The following GRIK2 variants were observed in gnomAD, a reference collection of about 807,000 sequenced individuals.
GRIK2 encodes glutamate receptor ionotropic, kainate 2.
A neutral mutation model predicts 100.3 loss-of-function variants in GRIK2; 32 were observed. That is an observed-to-expected ratio of 0.32 (90% CI 0.24 to 0.43). The LOEUF is 0.43. GRIK2 is among the 20% of genes least tolerant of loss of function. The pLI is 1.00. For missense variants in GRIK2, 843 were observed against 1,114.9 expected (o/e 0.76, Z 3.47); for synonymous variants, 417 against 389.4 (o/e 1.07, Z -0.83).
chr6:101,592,574 AATTACTAAT>A (rs1778704914), intron 2 of GRIK2, among the ~76,000 whole-genome samples: 3 of 116,898 alleles, frequency 2.6e-5, no homozygotes, highest in Non-Finnish European at 5.2e-5. Flanking sequence ...CATGGGATAG[AATTACTAAT>A]ATCACATATA....
At chr6:101,640,042 T>A (rs1198753301) in intron 4 of GRIK2, among the ~76,000 whole-genome samples, 4 of 152,352 alleles carry the variant, frequency 2.6e-5, no homozygotes, top group Admixed American at 1.3e-4. Flanking sequence ...TGTATTTTTG[T>A]AAGCCCAGTA....
At chr6:101,590,422 T>C (rs1778586592) in intron 2 of GRIK2, among the ~76,000 whole-genome samples, 1 of 152,174 alleles carries the variant, frequency 6.6e-6, no homozygotes, top group African/African-American at 2.4e-5. Context: ...GGGACAGGTA[T>C]GTGGGGAGAC....
chr6:101,823,882 T>G (rs529175314), intron 10 of GRIK2, among the ~76,000 whole-genome samples: 2,661 of 150,956 alleles, frequency 0.018, 83 homozygotes, highest in African/African-American at 0.06. Context: ...TTTTGTTTTT[T>G]TTTTTGATGG....
intron 7 of GRIK2, among the ~76,000 whole-genome samples, chr6:101,766,145 T>C (rs1450295355): frequency 6.6e-6 from 1 of 152,086 alleles, no homozygotes; most frequent in African/African-American, 2.4e-5. Context: ...TCCAGCATCA[T>C]TGGAACATAT....
At chr6:101,944,965 T>C (rs567615078) in intron 14 of GRIK2, among the ~76,000 whole-genome samples, 1 of 152,158 alleles carries the variant, frequency 6.6e-6, no homozygotes, top group East Asian at 1.9e-4. Context: ...CATTAGTAAA[T>C]TACTTCACTT....
intron 10 of GRIK2, among the ~76,000 whole-genome samples, chr6:101,819,537 C>T (rs1781828264): frequency 6.6e-6 from 1 of 152,120 alleles, no homozygotes; most frequent in Non-Finnish European, 1.5e-5. Flanking sequence ...TGGATACTCG[C>T]TCTCTCTGTC....
At chr6:101,856,198 T>C (rs1464911762) in intron 10 of GRIK2, among the ~76,000 whole-genome samples, 2 of 152,208 alleles carry the variant, frequency 1.3e-5, no homozygotes, top group African/African-American at 4.8e-5. Context: ...AGATCCCTTG[T>C]GTTTCTCTGT....
At chr6:101,497,858 CTTAT>C (rs138720944) in intron 2 of GRIK2, among the ~76,000 whole-genome samples, 10,976 of 151,214 alleles carry the variant, frequency 0.073, 486 homozygotes, top group Middle Eastern at 0.12. Context: ...GTTTTACAAC[CTTAT>C]TTATTATTAT....
intron 2 of GRIK2, among the ~76,000 whole-genome samples, chr6:101,577,417 T>C (rs749982547): frequency 4.6e-5 from 7 of 152,070 alleles, no homozygotes; most frequent in Non-Finnish European, 4.4e-5. Flanking sequence ...TGAAAATTAA[T>C]TAAAAAAATA....
chr6:101,752,280 T>C (rs1354358075), intron 7 of GRIK2, among the ~76,000 whole-genome samples: 1 of 152,198 alleles, frequency 6.6e-6, no homozygotes, highest in Middle Eastern at 3.2e-3. Context: ...TAATTTTGAC[T>C]CTGACCTGTT....
intron 7 of GRIK2, among the ~76,000 whole-genome samples, chr6:101,704,177 T>C (rs531382942): frequency 6.6e-6 from 1 of 151,726 alleles, no homozygotes; most frequent in Admixed American, 6.6e-5. Flanking sequence ...AGTCAGCAAA[T>C]AGTTAAATTT....
chr6:101,731,695 A>G (rs1363895560), intron 7 of GRIK2, among the ~76,000 whole-genome samples: 2 of 152,058 alleles, frequency 1.3e-5, no homozygotes, highest in Non-Finnish European at 2.9e-5. Flanking sequence ...TATTCAAAAA[A>G]GAATCTAAGG....
At chr6:101,575,126 A>G (rs1320976666) in intron 2 of GRIK2, among the ~76,000 whole-genome samples, 1 of 151,706 alleles carries the variant, frequency 6.6e-6, no homozygotes, top group Non-Finnish European at 1.5e-5. Context: ...ATGCCACTTT[A>G]TTTTCATTAT....
At chr6:101,971,400 C>A (rs1238757866) in intron 14 of GRIK2, among the ~76,000 whole-genome samples, 1 of 151,852 alleles carries the variant, frequency 6.6e-6, no homozygotes, top group Admixed American at 6.6e-5. Flanking sequence ...TATTATGTTT[C>A]CATATACTTA....
At chr6:101,570,012 A>G (rs1777457328) in intron 2 of GRIK2, among the ~76,000 whole-genome samples, 1 of 152,120 alleles carries the variant, frequency 6.6e-6, no homozygotes, top group Non-Finnish European at 1.5e-5. Flanking sequence ...TTGTAGTAAT[A>G]TAGATAGAAT....
intron 2 of GRIK2, among the ~76,000 whole-genome samples, chr6:101,451,704 G>A (rs991299231): frequency 2.7e-5 from 4 of 148,838 alleles, no homozygotes; most frequent in East Asian, 4.0e-4. Context: ...GAGGGGGGGG[G>A]GGGTGCCAAA....
At chr6:102,048,702 G>T (rs1771024890) in intron 15 of GRIK2, among the ~76,000 whole-genome samples, 1 of 152,058 alleles carries the variant, frequency 6.6e-6, no homozygotes, top group South Asian at 2.1e-4. Context: ...TAATGTATTG[G>T]AGTAATGACA....
intron 14 of GRIK2, among the ~76,000 whole-genome samples, chr6:101,960,048 G>GTTTTTTTTTTTTTTTTTTTT (rs3029100): frequency 4.2e-5 from 5 of 118,264 alleles, no homozygotes; most frequent in African/African-American, 7.1e-5. Flanking sequence ...TTTTTTTAGT[G>GTTTTTTTTTTTTTTTTTTTT]TTTTGTTTTT....
At chr6:101,549,350 G>T (rs887042698) in intron 2 of GRIK2, among the ~76,000 whole-genome samples, 1 of 151,582 alleles carries the variant, frequency 6.6e-6, no homozygotes, top group East Asian at 1.9e-4. Context: ...GGAGGAGAAG[G>T]CTTGGCATTT....
Sources: allele counts gnomAD v4.1 joint callset (sites outside exome capture counted in the v4.1 genomes callset), GRCh38; gene constraint gnomAD v4.1.1; transcripts MANE v1.5; gene names NCBI Gene and HGNC (gene_info 2026-07-23, HGNC 2026-07-21).